Variants in ZP3 observed in about 807,000 individuals in gnomAD.
ZP3 encodes the protein zona pellucida sperm-binding protein 3.
Under a neutral mutation model 35.6 loss-of-function variants are expected in ZP3, and 21 were observed. That is an observed-to-expected ratio of 0.59 (90% CI 0.42 to 0.85). The LOEUF (loss-of-function observed/expected upper bound fraction) is 0.85, where lower values mean the gene tolerates loss of function less well. ZP3 is among the 40% of genes least tolerant of loss of function. The pLI is 0.00. For missense variants in ZP3, 437 were observed against 536.5 expected, an observed-to-expected ratio of 0.81 and a Z score of 1.83; for synonymous variants, 207 against 214.5, an observed-to-expected ratio of 0.96 and a Z score of 0.31.
chr7:76,400,185 G>T, intron 1 of ZP3: 1 of 1,286,390 alleles, frequency 7.8e-7, no homozygotes, highest in Non-Finnish European at 1.0e-6. Flanking sequence ...TGATCTGCAT[G>T]GAACAGCCTT....
intron 1 of ZP3, chr7:76,400,988 G>A: frequency 6.4e-7 from 1 of 1,551,086 alleles, no homozygotes; most frequent in Non-Finnish European, 8.7e-7. Flanking sequence ...GGGTGAGGAA[G>A]GGCGGGGTGG....
At chr7:76,405,213 C>T (rs1260865706) in intron 1 of ZP3, among the ~76,000 whole-genome samples, 11 of 126,942 alleles carry the variant, frequency 8.7e-5, no homozygotes, top group Non-Finnish European at 1.7e-5. Flanking sequence ...AAGTGATTCT[C>T]CTGCCTCAGC....
At chr7:76,425,562 C>T (rs1251145673) in intron 1 of ZP3, among the ~76,000 whole-genome samples, 5 of 152,034 alleles carry the variant, frequency 3.3e-5, no homozygotes, top group East Asian at 3.9e-4. Flanking sequence ...TTGTGACACA[C>T]ACAGGCCTGC....
intron 1 of ZP3, among the ~76,000 whole-genome samples, chr7:76,408,690 C>T (rs1053055689): frequency 1.3e-5 from 2 of 152,182 alleles, no homozygotes; most frequent in Non-Finnish European, 2.9e-5. Context: ...CCAAGCCTGC[C>T]TCCTACCCTC....
At chr7:76,437,986 C>G (rs1349298543) in intron 5 of ZP3, among the ~76,000 whole-genome samples, 7 of 152,222 alleles carry the variant, frequency 4.6e-5, no homozygotes, top group South Asian at 2.1e-4. Context: ...TGGACAACTG[C>G]TAAACTGGCT....
At chr7:76,399,876 T>G (rs1396158579) in intron 1 of ZP3, among the ~76,000 whole-genome samples, 1 of 152,120 alleles carries the variant, frequency 6.6e-6, no homozygotes, top group Non-Finnish European at 1.5e-5. Context: ...GACTTGGACC[T>G]GTAGTTCCAG....
At chr7:76,429,731 T>G (rs1311743411) in intron 2 of ZP3, 98 bp downstream of exon 2, 2 of 982,978 alleles carry the variant, frequency 2.0e-6, no homozygotes, top group Non-Finnish European at 3.2e-6. Context: ...GCAGCATGGC[T>G]ATTAGAACTA....
chr7:76,405,302 T>TGTATATATATATATATAC (rs1804970261), intron 1 of ZP3, among the ~76,000 whole-genome samples: 1 of 58,366 alleles, frequency 1.7e-5, no homozygotes, highest in Non-Finnish European at 3.2e-5. Flanking sequence ...TATATATATA[T>TGTATATATATATATATAC]ATATATATAT....
chr7:76,438,300 A>G (rs1252359485), intron 5 of ZP3, among the ~76,000 whole-genome samples: 1 of 152,080 alleles, frequency 6.6e-6, no homozygotes, highest in Non-Finnish European at 1.5e-5. Context: ...GCTCATGCCA[A>G]TAATCCCAGC....
chr7:76,414,360 G>C (rs1805315668), intron 1 of ZP3, among the ~76,000 whole-genome samples: 1 of 152,048 alleles, frequency 6.6e-6, no homozygotes, highest in Non-Finnish European at 1.5e-5. Flanking sequence ...CCACCTCAAG[G>C]TGTGATAAAT....
chr7:76,433,753 C>A, intron 4 of ZP3, 106 bp downstream of exon 4: 1 of 1,292,284 alleles, frequency 7.7e-7, no homozygotes, highest in Non-Finnish European at 1.1e-6. Flanking sequence ...GGCTGGAATA[C>A]AGAGGCTTGA....
At chr7:76,400,640 C>T in intron 1 of ZP3, 2 of 1,411,292 alleles carry the variant, frequency 1.4e-6, no homozygotes, top group South Asian at 3.1e-5. Context: ...GTCCAACCTC[C>T]AGCATGCCCA....
intron 1 of ZP3, among the ~76,000 whole-genome samples, chr7:76,409,054 T>C (rs1805142010): frequency 6.6e-6 from 1 of 152,212 alleles, no homozygotes; most frequent in Admixed American, 6.6e-5. Context: ...GCCCAGTGTC[T>C]GGCCCACTCT....
chr7:76,429,109 A>T (rs1250252677), intron 1 of ZP3: 7 of 226,760 alleles, frequency 3.1e-5, no homozygotes, highest in Non-Finnish European at 6.2e-5. Flanking sequence ...GTCAGAAGGG[A>T]TGTGTCATGT....
intron 1 of ZP3, chr7:76,400,486 G>T (rs1377455002): frequency 6.2e-7 from 1 of 1,606,104 alleles, no homozygotes; most frequent in Non-Finnish European, 8.5e-7. Flanking sequence ...CACTACGTTG[G>T]CGTCCACCAC....
intron 1 of ZP3, among the ~76,000 whole-genome samples, chr7:76,408,639 C>T (rs768529980): frequency 6.6e-6 from 1 of 152,160 alleles, no homozygotes; most frequent in Non-Finnish European, 1.5e-5. Flanking sequence ...CGATCCTGAT[C>T]CCCACAGATT....
At chr7:76,440,002 C>A in intron 5 of ZP3, 1 of 445,776 alleles carries the variant, frequency 2.2e-6, no homozygotes, top group African/African-American at 2.0e-5. Context: ...TACCCACCAC[C>A]ACGCCCAGCT....
chr7:76,401,758 G>A (rs1804837252), intron 1 of ZP3, among the ~76,000 whole-genome samples: 1 of 152,064 alleles, frequency 6.6e-6, no homozygotes, highest in African/African-American at 2.4e-5. Context: ...CCTTCCTCTG[G>A]GAAGCCATCC....
intron 1 of ZP3, among the ~76,000 whole-genome samples, chr7:76,411,547 T>C (rs6465122): frequency 0.83 from 125,700 of 151,752 alleles, 52,324 homozygotes; most frequent in East Asian, 0.99. Flanking sequence ...CCAGCCTGGG[T>C]GACAGAGAGA....
Sources: gnomAD v4.1 joint callset for allele counts (sites outside exome capture counted in the v4.1 genomes callset) on GRCh38, gnomAD v4.1.1 for gene constraint, MANE v1.5 for transcripts, NCBI Gene and HGNC (gene_info 2026-07-23, HGNC 2026-07-21) for gene names.